ZNF850: variants seen among roughly 807,000 people sequenced by gnomAD.
ZNF850 encodes the protein putative zinc finger protein ENSP00000330994.
ZNF850 carries 2 observed loss-of-function variants against 11.9 expected under a neutral mutation model. The observed-to-expected ratio is 0.17, with a 90% confidence interval of 0.07 to 0.53. ZNF850 has a LOEUF of 0.53. Among genes scored for constraint, ZNF850 ranks in the 20% least tolerant of loss-of-function variants. The pLI is 0.94. For synonymous variants in ZNF850, 381 were observed against 443.0 expected, an observed-to-expected ratio of 0.86 and a Z score of 1.76; for missense variants, 1,014 against 1,316.4, an observed-to-expected ratio of 0.77 and a Z score of 3.55.
At chr19:36,759,064 AGAGCAAGACTCCGT>A (rs1351125491) in intron 4 of ZNF850, among the ~76,000 whole-genome samples, 2 of 149,732 alleles carry the variant, frequency 1.3e-5, no homozygotes, top group Non-Finnish European at 3.0e-5. Context: ...GCCTGGCAAC[AGAGCAAGACTCCGT>A]CTAAAAAAAA....
Position 36,749,190 on chromosome 19 carries a change from T to G in ZNF850, c.1850A>C (p.Tyr617Ser). 1 of 1,605,036 alleles carries G rather than the reference T, an allele frequency of 6.2e-7. No individual in the cohort carries two copies. The highest frequency in any genetic ancestry group is 8.5e-7 in the Non-Finnish European group (1 of 1,177,344). ...GGCCTTCCCACATTCCTTACAATCA[T>G]AAGGTTTCTCACCAGTGTGAATTTG... The part of the protein sequence containing the change: ...HQQIHTGEKP[Y>S]DCKECGKAFR... Residue 617 changes from tyrosine (Y) to serine (S), a missense_variant, in exon 5 of 5, where the codon TAT becomes TCT. By Grantham distance (144) the Tyr-to-Ser change is moderately radical. Coordinates refer to ENST00000591344, the MANE Select transcript of ZNF850 (RefSeq NM_001193552.2).
At chr19:36,755,402 T>C (rs2040479690) in intron 4 of ZNF850, among the ~76,000 whole-genome samples, 1 of 152,086 alleles carries the variant, frequency 6.6e-6, no homozygotes, top group Non-Finnish European at 1.5e-5. Flanking sequence ...AATTTTTGTA[T>C]TTTTAGTACA....
Position 36,749,581 on chromosome 19 carries a change from TAA to T in ZNF850, c.1457_1458del (p.Phe486TyrfsTer16), listed in dbSNP as rs1303586926. 1 of 1,546,912 alleles carries T rather than the reference TAA, an allele frequency of 6.5e-7. No homozygotes were observed. Among genetic ancestry groups the T allele is most frequent in the Admixed American group, 1.9e-5 (1 of 51,442 alleles). On this transcript the variant is annotated frameshift_variant, in exon 5 of 5. Coordinates refer to ENST00000591344, the MANE Select transcript of ZNF850 (RefSeq NM_001193552.2). LOFTEE classifies it low-confidence loss of function (END_TRUNC). The part of the protein sequence containing the change: ...PYCCKECGKS[F>X]TFRSTRNRHQ... Reference sequence around the variant, plus strand: ...TGTCGATTGCGTGTTGAGCGAAAAGTAAAAGATTTTCCACATTCCTTACAACA... The same window carrying T: ...TGTCGATTGCGTGTTGAGCGAAAAGTAAGATTTTCCACATTCCTTACAACA...
intron 4 of ZNF850, among the ~76,000 whole-genome samples, chr19:36,757,432 G>C (rs562902965): frequency 7.1e-6 from 1 of 141,300 alleles, no homozygotes; most frequent in East Asian, 2.1e-4. Context: ...AAATTAGTAA[G>C]AAAATAAAAC....
At position 36,749,175 on chromosome 19, in the gene ZNF850, CA is replaced by C. The variant is rs778216230; in HGVS notation, c.1864del (p.Cys622ValfsTer95). ...TGEKPYDCKE[C>X]GKAFRLRLRL... Reference sequence around the variant, plus strand: ...TAAACGAAGTCTAAAGGCCTTCCCACATTCCTTACAATCATAAGGTTTCTCA... The same window carrying C: ...TAAACGAAGTCTAAAGGCCTTCCCACTTCCTTACAATCATAAGGTTTCTCA... On this transcript the variant is annotated frameshift_variant, in exon 5 of 5. Coordinates refer to ENST00000591344, the MANE Select transcript of ZNF850 (RefSeq NM_001193552.2). LOFTEE classifies it low-confidence loss of function (END_TRUNC). 1 of 1,605,886 alleles carries C rather than the reference CA, an allele frequency of 6.2e-7. No homozygotes were observed. Among genetic ancestry groups the C allele is most frequent in the Non-Finnish European group, 8.5e-7 (1 of 1,177,662 alleles).
intron 4 of ZNF850, among the ~76,000 whole-genome samples, chr19:36,754,713 G>A (rs752406568): frequency 4.6e-5 from 7 of 151,846 alleles, no homozygotes; most frequent in Non-Finnish European, 8.8e-5. Context: ...CTGCCACCAC[G>A]CCCGGCTAAT....
At chr19:36,771,845 T>C (rs2040586399) in intron 1 of ZNF850, among the ~76,000 whole-genome samples, 1 of 152,144 alleles carries the variant, frequency 6.6e-6, no homozygotes, top group South Asian at 2.1e-4. Context: ...TATCACATCC[T>C]GCTGGGCAAA....
Position 36,748,211 on chromosome 19 carries a change from A to G in ZNF850, c.2829T>C (p.His943=). 1 of 1,553,464 alleles carries G rather than the reference A, an allele frequency of 6.4e-7. No individual in the cohort carries two copies. Among genetic ancestry groups the G allele is most frequent in the East Asian group, 2.4e-5 (1 of 41,480 alleles). ...GTTTCTCGCCAGTGTGAATACTGTG[A>G]TGTTTGGTGAGTCCTGAGAAACGGA... ...AFVRFSGLTK[H]HSIHTGEKPY... Residue 943 remains histidine (H), a synonymous_variant, in exon 5 of 5, where the codon CAT becomes CAC. Coordinates refer to ENST00000591344, the MANE Select transcript of ZNF850 (RefSeq NM_001193552.2).
In ZNF850 at chr19:36,749,819, C is replaced by G. The variant is rs1163198746; in HGVS notation, c.1221G>C (p.Gly407=). The change falls in exon 5 of 5, where the codon GGG becomes GGC. Residue 407 remains glycine, a synonymous_variant. Transcript: ENST00000591344. ...TGTGAATTGCCTGGTGTCCAATTAA[C>G]CCTGAGCGAAAAGTAAAAGATTTCC... ...ECGKSFTFRS[G]LIGHQAIHTG... 1 of 1,534,530 alleles carries G rather than the reference C, an allele frequency of 6.5e-7. No individual in the cohort carries two copies.
intron 1 of ZNF850, among the ~76,000 whole-genome samples, chr19:36,772,387 C>T (rs1452493859): frequency 6.6e-6 from 1 of 152,184 alleles, no homozygotes; most frequent in East Asian, 1.9e-4. Context: ...TCACATACAC[C>T]AAGGGGCCAC....
At chr19:36,759,056 C>T (rs771857225) in intron 4 of ZNF850, among the ~76,000 whole-genome samples, 1 of 151,416 alleles carries the variant, frequency 6.6e-6, no homozygotes, top group Non-Finnish European at 1.5e-5. Flanking sequence ...GCACTCCAGC[C>T]TGGCAACAGA....
At chr19:36,752,435 G>A (rs1169574846) in intron 4 of ZNF850, among the ~76,000 whole-genome samples, 1 of 152,168 alleles carries the variant, frequency 6.6e-6, no homozygotes, top group Non-Finnish European at 1.5e-5. Context: ...GACAAGTTGA[G>A]CATGAATTCA....
intron 4 of ZNF850, among the ~76,000 whole-genome samples, chr19:36,761,142 G>A (rs1286326832): frequency 6.6e-6 from 1 of 151,906 alleles, no homozygotes; most frequent in African/African-American, 2.4e-5. Flanking sequence ...AGAGGTGGAA[G>A]TAAAAGGGGA....
chr19:36,762,897 TGTTTTC>T (rs991748055), intron 1 of ZNF850, among the ~76,000 whole-genome samples: 2 of 152,018 alleles, frequency 1.3e-5, no homozygotes, highest in Non-Finnish European at 2.9e-5. Flanking sequence ...TTTTTGTTTT[TGTTTTC>T]GTTTTGAGAC....
rs1250624525 is a variant in ZNF850, at chr19:36,748,886, T to C, written c.2154A>G (p.Gln718=). ...KSFTFCSGLI[Q]HQQNHTDEKP... ...TCTCATCAGTGTGATTTTGCTGATG[T>C]TGAATTAGTCCTGAGCAGAAAGTAA... Residue 718 remains glutamine, a synonymous_variant, in exon 5 of 5, where the codon CAA becomes CAG. Transcript: ENST00000591344. The C allele has an allele frequency of 6.4e-7, 1 of 1,554,874 alleles. No individual in the cohort carries two copies. Among genetic ancestry groups the C allele is most frequent in the South Asian group, 1.2e-5 (1 of 85,338 alleles).
chr19:36,752,158 A>G (rs1429950910), intron 4 of ZNF850, among the ~76,000 whole-genome samples: 1 of 152,200 alleles, frequency 6.6e-6, no homozygotes, highest in Non-Finnish European at 1.5e-5. Context: ...AAAAAATACT[A>G]TACATCTTCA....
At chr19:36,755,127 A>G (rs2040477949) in intron 4 of ZNF850, among the ~76,000 whole-genome samples, 1 of 152,224 alleles carries the variant, frequency 6.6e-6, no homozygotes, top group Non-Finnish European at 1.5e-5. Flanking sequence ...ACTATAGTGC[A>G]ATTAAGGTTG....
In ZNF850 at chr19:36,747,692, C is replaced by G; in HGVS notation, c.*75G>C. 4.7e-6 allele frequency: 6 copies of G among 1,285,958 alleles called. No homozygotes were observed. The highest frequency in any genetic ancestry group is 6.2e-6 in the Non-Finnish European group (6 of 966,696). 79.7% of individuals were successfully genotyped at this position (1,285,958 alleles called of 1,614,324 possible). The stretch of plus-strand genomic sequence containing the variant: ...AAAGTGAATATGAAGTAATACACAT[C>G]CATTGTATTTGACCCACATATGGAA... On this transcript the variant is annotated 3_prime_UTR_variant, in exon 5 of 5. Coordinates refer to ENST00000591344, the MANE Select transcript of ZNF850 (RefSeq NM_001193552.2).
chr19:36,750,878 G>T, intron 4 of ZNF850, 74 bp from the exon 5 acceptor site: 1 of 1,394,172 alleles, frequency 7.2e-7, no homozygotes. Context: ...TGGTAGAAAG[G>T]GGAGACAAAC....
Sources: gnomAD v4.1 joint callset for allele counts (sites outside exome capture counted in the v4.1 genomes callset) on GRCh38, gnomAD v4.1.1 for gene constraint, MANE v1.5 for transcripts, NCBI Gene and HGNC (gene_info 2026-07-23, HGNC 2026-07-21) for gene names.